Variants in KDM6A observed in about 807,000 individuals in gnomAD.
The protein encoded by KDM6A is lysine demethylase 6A.
In KDM6A, 11 loss-of-function variants were observed where a neutral mutation model predicts 117.6. The ratio of observed to expected loss-of-function variants is 0.09; its 90% CI spans 0.06 to 0.15. KDM6A has a LOEUF of 0.15. Ranked by LOEUF, KDM6A falls within the 10% of genes least tolerant of loss-of-function variation. The pLI, the probability that KDM6A is intolerant of heterozygous loss-of-function variation, is 1.00. For missense variants in KDM6A, 799 were observed against 1,077.3 expected, an observed-to-expected ratio of 0.74 and a Z score of 3.62; for synonymous variants, 384 against 396.1, an observed-to-expected ratio of 0.97 and a Z score of 0.36.
chrX:44,923,864 A>G (rs2036138524), intron 2 of KDM6A, among the ~76,000 whole-genome samples: 2 of 111,274 alleles, frequency 1.8e-5, no homozygotes, highest in Admixed American at 1.9e-4. Flanking sequence ...CTGGGATTAC[A>G]GGCATCTGCC....
At chrX:45,072,055 G>A (rs924717020) in intron 18 of KDM6A, among the ~76,000 whole-genome samples, 15 of 112,124 alleles carry the variant, frequency 1.3e-4, no homozygotes, top group Non-Finnish European at 2.8e-4. Context: ...GATTACAGGC[G>A]TGAGCCACTG....
chrX:44,981,136 T>C (rs2039887675), intron 4 of KDM6A, among the ~76,000 whole-genome samples: 1 of 111,840 alleles, frequency 8.9e-6, no homozygotes, highest in African/African-American at 3.3e-5. Flanking sequence ...CTGCAGTGGC[T>C]GCTGGTGTCC....
intron 3 of KDM6A, among the ~76,000 whole-genome samples, chrX:44,964,179 G>T (rs2038883739): frequency 9.2e-6 from 1 of 109,260 alleles, no homozygotes; most frequent in Admixed American, 9.8e-5. Context: ...GCCGGGTGCG[G>T]TGGCTCACGC....
At chrX:45,091,517 A>G (rs1258702952) in intron 27 of KDM6A, among the ~76,000 whole-genome samples, 1 of 111,620 alleles carries the variant, frequency 9.0e-6, no homozygotes, top group Admixed American at 9.5e-5. Context: ...TCCCCAAAAG[A>G]TGGGGAATTC....
intron 2 of KDM6A, among the ~76,000 whole-genome samples, chrX:44,948,305 C>T (rs2037783864): frequency 8.9e-6 from 1 of 111,982 alleles, no homozygotes; most frequent in African/African-American, 3.2e-5. Flanking sequence ...AAAGCTCTCT[C>T]TGTCTTGCCA....
At chrX:44,955,560 C>T (rs920697035) in intron 2 of KDM6A, among the ~76,000 whole-genome samples, 2 of 111,415 alleles carry the variant, frequency 1.8e-5, no homozygotes, top group East Asian at 5.6e-4. Flanking sequence ...TTCAGATGTA[C>T]TGTTCAGTAG....
At chrX:45,039,198 C>T (rs891360015) in intron 8 of KDM6A, among the ~76,000 whole-genome samples, 12 of 110,667 alleles carry the variant, frequency 1.1e-4, no homozygotes, top group Admixed American at 1.1e-3. Flanking sequence ...TCCCCATCTG[C>T]ACTTTGCCTC....
At chrX:45,044,473 A>G (rs985867760) in intron 8 of KDM6A, among the ~76,000 whole-genome samples, 8 of 111,809 alleles carry the variant, frequency 7.2e-5, no homozygotes, top group Admixed American at 9.5e-5. Context: ...TTGAAAGAAT[A>G]CACAGTGAAG....
Position 45,034,925 on chromosome X carries a change from T to C in KDM6A, c.565-6T>C. The C allele has an allele frequency of 8.3e-7, 1 of 1,203,037 alleles. No homozygotes were observed. The highest frequency in any genetic ancestry group is 1.8e-5 in the South Asian group (1 of 56,792). On this transcript the variant is annotated splice_region_variant and splice_polypyrimidine_tract_variant and intron_variant, in intron 6 of 29. Transcript: ENST00000611820. ...CTGCATTAATTTTCTCACTCTCGTCTTGCAGCATTTTCAGTTAGCTTTGGT... is the reference window on the plus strand; with the variant it reads ...CTGCATTAATTTTCTCACTCTCGTCCTGCAGCATTTTCAGTTAGCTTTGGT...
intron 4 of KDM6A, among the ~76,000 whole-genome samples, chrX:45,010,758 T>C (rs187834225): frequency 1.0e-3 from 117 of 112,109 alleles, no homozygotes; most frequent in Middle Eastern, 4.6e-3. Context: ...TAAATATTTT[T>C]ATTTCAGGGC....
At chrX:45,105,233 T>C (rs1463923355) in intron 27 of KDM6A, among the ~76,000 whole-genome samples, 1 of 111,901 alleles carries the variant, frequency 8.9e-6, no homozygotes, top group East Asian at 2.8e-4. Context: ...ACCACTTAAA[T>C]AGCTTTATGA....
At chrX:44,946,204 C>T (rs752196861) in intron 2 of KDM6A, among the ~76,000 whole-genome samples, 1 of 111,705 alleles carries the variant, frequency 9.0e-6, no homozygotes, top group East Asian at 2.8e-4. Flanking sequence ...GATTATCCTG[C>T]CTCAGTCTCC....
At chrX:44,958,060 C>G (rs1482943520) in intron 2 of KDM6A, among the ~76,000 whole-genome samples, 1 of 111,889 alleles carries the variant, frequency 8.9e-6, no homozygotes, top group African/African-American at 3.2e-5. Flanking sequence ...TGTATCATTG[C>G]AGAAATTGCT....
intron 8 of KDM6A, among the ~76,000 whole-genome samples, chrX:45,041,697 G>A (rs1333714132): frequency 4.7e-4 from 51 of 109,144 alleles, no homozygotes; most frequent in Admixed American, 8.5e-4. Context: ...ATGGGATGGC[G>A]GCGGGGAAGA....
intron 2 of KDM6A, among the ~76,000 whole-genome samples, chrX:44,894,658 C>A (rs909409605): frequency 9.2e-6 from 1 of 108,531 alleles, no homozygotes; most frequent in Admixed American, 1.0e-4. Flanking sequence ...TTTTGTCCCC[C>A]AGGCTGGAGT....
chrX:45,099,798 G>A (rs2046267115), intron 27 of KDM6A, among the ~76,000 whole-genome samples: 1 of 111,688 alleles, frequency 9.0e-6, no homozygotes, highest in African/African-American at 3.3e-5. Flanking sequence ...ACTTTGGGAG[G>A]CCAAGTCGGG....
At chrX:44,988,980 G>A (rs1440554749) in intron 4 of KDM6A, among the ~76,000 whole-genome samples, 2 of 109,542 alleles carry the variant, frequency 1.8e-5, no homozygotes, top group Non-Finnish European at 3.8e-5. Context: ...GCTGCCTTTT[G>A]TTTGGCTATG....
chrX:44,886,182 C>T (rs997537378), intron 2 of KDM6A, among the ~76,000 whole-genome samples: 8 of 108,815 alleles, frequency 7.4e-5, no homozygotes, highest in Admixed American at 5.0e-4. Context: ...CTCAGCCTCC[C>T]GAGTAGCTGA....
intron 4 of KDM6A, among the ~76,000 whole-genome samples, chrX:45,005,332 C>T (rs1295800857): frequency 1.8e-5 from 2 of 110,376 alleles, no homozygotes; most frequent in Non-Finnish European, 3.8e-5. Flanking sequence ...GGATCCCATG[C>T]GCTGGAGTCT....
Sources: allele counts gnomAD v4.1 joint callset (sites outside exome capture counted in the v4.1 genomes callset), GRCh38; gene constraint gnomAD v4.1.1; transcripts MANE v1.5; gene names NCBI Gene and HGNC (gene_info 2026-07-23, HGNC 2026-07-21).